LRMDA: variants seen among roughly 807,000 people sequenced by gnomAD.
LRMDA encodes leucine-rich melanocyte differentiation-associated protein.
Under a neutral mutation model 29.8 loss-of-function variants are expected in LRMDA, and 18 were observed. That is an observed-to-expected ratio of 0.60 (90% CI 0.42 to 0.90). LRMDA has a LOEUF of 0.90. Ranked by LOEUF, LRMDA falls within the 40% of genes least tolerant of loss-of-function variation. The pLI, the probability that LRMDA is intolerant of heterozygous loss-of-function variation, is 0.00. For synonymous variants in LRMDA, 125 were observed against 109.4 expected (o/e 1.14, Z -0.89); for missense variants, 273 against 273.9 (o/e 1.00, Z 0.02).
intron 2 of LRMDA, among the ~76,000 whole-genome samples, chr10:75,601,600 G>C (rs142266740): frequency 2.1e-4 from 32 of 152,234 alleles, no homozygotes; most frequent in Admixed American, 5.2e-4. Context: ...TAGAATTATA[G>C]GCAGAATCAA....
chr10:75,901,341 G>C (rs1257030354), intron 2 of LRMDA, among the ~76,000 whole-genome samples: 3 of 150,888 alleles, frequency 2.0e-5, no homozygotes, highest in Admixed American at 6.6e-5. Flanking sequence ...TAATTGCATT[G>C]GTTTCTCCAA....
intron 5 of LRMDA, among the ~76,000 whole-genome samples, chr10:76,155,452 G>A (rs920659144): frequency 2.0e-5 from 3 of 151,804 alleles, no homozygotes; most frequent in East Asian, 1.9e-4. Context: ...AGGGTAGATC[G>A]TCACTTACCT....
intron 5 of LRMDA, among the ~76,000 whole-genome samples, chr10:76,155,506 A>G (rs1850521124): frequency 6.6e-6 from 1 of 152,182 alleles, no homozygotes; most frequent in Non-Finnish European, 1.5e-5. Flanking sequence ...GGTAGACAAT[A>G]TTAGCATTTT....
chr10:76,342,109 A>G (rs974870536), intron 6 of LRMDA, among the ~76,000 whole-genome samples: 2 of 152,198 alleles, frequency 1.3e-5, no homozygotes, highest in African/African-American at 2.4e-5. Context: ...CAAAATTTCA[A>G]TAAATTTCAG....
At chr10:76,465,189 A>G (rs1042134890) in intron 6 of LRMDA, among the ~76,000 whole-genome samples, 2 of 152,204 alleles carry the variant, frequency 1.3e-5, no homozygotes, top group Non-Finnish European at 2.9e-5. Flanking sequence ...TCAAGTGGTC[A>G]GCTCCTCTGA....
At chr10:76,436,929 A>G (rs1589186986) in intron 6 of LRMDA, among the ~76,000 whole-genome samples, 2 of 151,730 alleles carry the variant, frequency 1.3e-5, no homozygotes, top group African/African-American at 4.8e-5. Context: ...TTCTCCCTCC[A>G]CCTACCTGAG....
At chr10:75,470,199 C>G (rs1308507786) in intron 2 of LRMDA, among the ~76,000 whole-genome samples, 2 of 152,100 alleles carry the variant, frequency 1.3e-5, no homozygotes, top group Non-Finnish European at 2.9e-5. Context: ...CAGTGAAGAT[C>G]AAAACATAAA....
intron 5 of LRMDA, among the ~76,000 whole-genome samples, chr10:76,186,485 GCC>G (rs1157430935): frequency 6.6e-6 from 1 of 152,184 alleles, no homozygotes; most frequent in African/African-American, 2.4e-5. Context: ...CCTAAAAAAT[GCC>G]CTGGTCCTCT....
At chr10:75,866,303 A>C (rs1275332311) in intron 2 of LRMDA, among the ~76,000 whole-genome samples, 2 of 152,186 alleles carry the variant, frequency 1.3e-5, no homozygotes, top group Non-Finnish European at 2.9e-5. Flanking sequence ...TGGGCTCATC[A>C]AAGGTGTTTG....
At chr10:75,885,344 T>A (rs1321400587) in intron 2 of LRMDA, among the ~76,000 whole-genome samples, 2 of 152,224 alleles carry the variant, frequency 1.3e-5, no homozygotes, top group Admixed American at 6.5e-5. Flanking sequence ...GTTTCGGATG[T>A]GATCCTCATC....
At chr10:75,477,202 G>T (rs973945761) in intron 2 of LRMDA, among the ~76,000 whole-genome samples, 1 of 151,966 alleles carries the variant, frequency 6.6e-6, no homozygotes, top group African/African-American at 2.4e-5. Context: ...TTGGTCTTGA[G>T]CTCCTGGCCT....
At chr10:76,271,866 G>A (rs1383187943) in intron 5 of LRMDA, among the ~76,000 whole-genome samples, 2 of 152,150 alleles carry the variant, frequency 1.3e-5, no homozygotes, top group Non-Finnish European at 2.9e-5. Flanking sequence ...ATATACTTGT[G>A]ACCATGGGAG....
intron 5 of LRMDA, among the ~76,000 whole-genome samples, chr10:76,217,466 A>G (rs1851748717): frequency 1.3e-5 from 2 of 151,852 alleles, no homozygotes; most frequent in South Asian, 2.1e-4. Context: ...GCTGGGGGGG[A>G]ATGGTTATGA....
intron 6 of LRMDA, among the ~76,000 whole-genome samples, chr10:76,357,826 G>C (rs996552330): frequency 1.3e-5 from 2 of 152,110 alleles, no homozygotes; most frequent in Non-Finnish European, 2.9e-5. Flanking sequence ...TGGCCTTCGT[G>C]GTTCTTTCTT....
chr10:75,537,972 T>C (rs1303067998), intron 2 of LRMDA, among the ~76,000 whole-genome samples: 1 of 152,136 alleles, frequency 6.6e-6, no homozygotes, highest in African/African-American at 2.4e-5. Context: ...CTCACATGAC[T>C]CTACTGAGGT....
At chr10:75,970,472 T>C (rs576455096) in intron 2 of LRMDA, among the ~76,000 whole-genome samples, 15 of 152,372 alleles carry the variant, frequency 9.8e-5, no homozygotes, top group African/African-American at 3.4e-4. Flanking sequence ...AAAGTTCTGC[T>C]GCTCAAACAT....
chr10:76,145,686 T>C (rs182712876), intron 5 of LRMDA, among the ~76,000 whole-genome samples: 5 of 152,086 alleles, frequency 3.3e-5, no homozygotes, highest in Admixed American at 6.5e-5. Flanking sequence ...GTGTCTCTAT[T>C]TCCTTCAGTT....
chr10:76,174,729 C>A (rs4746371), intron 5 of LRMDA, among the ~76,000 whole-genome samples: 1 of 152,040 alleles, frequency 6.6e-6, no homozygotes, highest in Non-Finnish European at 1.5e-5. Context: ...TTGGGACTAG[C>A]GGAAACAGAA....
intron 2 of LRMDA, among the ~76,000 whole-genome samples, chr10:75,770,152 A>G (rs146650900): frequency 6.6e-6 from 1 of 151,736 alleles, no homozygotes; most frequent in Non-Finnish European, 1.5e-5. Context: ...TTAGCTGGAC[A>G]TGGTGGTACA....
Sources: gnomAD v4.1 joint callset for allele counts (sites outside exome capture counted in the v4.1 genomes callset) on GRCh38, gnomAD v4.1.1 for gene constraint, MANE v1.5 for transcripts, NCBI Gene and HGNC (gene_info 2026-07-23, HGNC 2026-07-21) for gene names.